Variants in PFKFB3 observed in about 807,000 individuals in gnomAD.
PFKFB3 encodes the protein 6-phosphofructo-2-kinase/fructose-2,6-bisphosphatase 3.
In PFKFB3, 33 loss-of-function variants were observed where a neutral mutation model predicts 68.0. That is an observed-to-expected ratio of 0.49 (90% CI 0.37 to 0.65). PFKFB3 has a LOEUF of 0.65. Ranked by LOEUF, PFKFB3 falls within the 30% of genes least tolerant of loss-of-function variation. The pLI is 0.00. For missense variants in PFKFB3, 586 were observed against 712.2 expected (o/e 0.82, Z 2.02); for synonymous variants, 315 against 288.2 (o/e 1.09, Z -0.94).
intron 2 of PFKFB3, among the ~76,000 whole-genome samples, chr10:6,214,055 T>TAGC (rs1844404308): frequency 6.6e-6 from 1 of 152,206 alleles, no homozygotes; most frequent in African/African-American, 2.4e-5. Flanking sequence ...CACTCAGTCC[T>TAGC]AGCTAACATT....
At chr10:6,284,343 C>T in the PFKFB3 span, among the ~76,000 whole-genome samples, 2 of 152,120 alleles carry the variant, frequency 1.3e-5, no homozygotes, top group South Asian at 4.1e-4. Context: ...GTTTTTGCCT[C>T]ACATATTTTG....
At chr10:6,203,450 C>G (rs1388348597) in intron 1 of PFKFB3, 114 bp downstream of exon 1, 19 of 546,686 alleles carry the variant, frequency 3.5e-5, no homozygotes, top group African/African-American at 1.2e-4. Flanking sequence ...GTGCGGGTCG[C>G]GCCGGCGGGG....
the PFKFB3 span, among the ~76,000 whole-genome samples, chr10:6,278,291 G>C: frequency 1.4e-4 from 21 of 149,718 alleles, no homozygotes; most frequent in South Asian, 2.1e-4. Flanking sequence ...TGTTGTTGTT[G>C]TTGTTTTTAA....
At chr10:6,293,066 G>C in the PFKFB3 span, 1 of 387,786 alleles carries the variant, frequency 2.6e-6, no homozygotes, top group East Asian at 7.2e-5. Context: ...AAACGGAGAC[G>C]TTCAGCTACA....
chr10:6,168,772 C>T (rs1418845781), intron 1 of PFKFB3, among the ~76,000 whole-genome samples: 1 of 152,178 alleles, frequency 6.6e-6, no homozygotes, highest in East Asian at 1.9e-4. Context: ...TGTTTGAGCC[C>T]TTACATTCAG....
chr10:6,203,617 A>AGG (rs1324070189), intron 1 of PFKFB3, among the ~76,000 whole-genome samples: 1 of 151,116 alleles, frequency 6.6e-6, no homozygotes, highest in Admixed American at 6.6e-5. Flanking sequence ...CAGGCCAGGG[A>AGG]GGGGATCCAC....
the PFKFB3 span, among the ~76,000 whole-genome samples, chr10:6,270,111 A>G: frequency 0.058 from 8,835 of 152,220 alleles, 403 homozygotes; most frequent in African/African-American, 0.12. Context: ...CAGCCTGGGC[A>G]ACAAGAGCAA....
the PFKFB3 span, among the ~76,000 whole-genome samples, chr10:6,298,698 GC>G: frequency 6.6e-6 from 1 of 152,136 alleles, no homozygotes; most frequent in Non-Finnish European, 1.5e-5. Context: ...ATCCTGAAAG[GC>G]CAGGCCTGGA....
At chr10:6,200,582 G>A (rs933572278), upstream of PFKFB3, among the ~76,000 whole-genome samples, 59 of 147,868 alleles carry the variant, frequency 4.0e-4, no homozygotes, top group African/African-American at 1.4e-3. Flanking sequence ...GTTCTAGCTG[G>A]CCATTAAAAA....
chr10:6,221,684 A>G lies in PFKFB3; in HGVS notation c.1022A>G (p.Tyr341Cys), dbSNP rs773253990. 7 of 1,610,798 alleles carry G rather than the reference A, an allele frequency of 4.3e-6. No homozygotes were observed. The highest frequency in any genetic ancestry group is 5.9e-6 in the Non-Finnish European group (7 of 1,178,916). The change falls in exon 10 of 15, where the codon TAC (tyrosine) becomes TGC (cysteine). Residue 341 changes from tyrosine (Y) to cysteine (C), a missense_variant. Transcript: ENST00000379775. ...ELTYEEIRDTYPEEYALREQD... is the reference protein window; with the variant it reads ...ELTYEEIRDTCPEEYALREQD... ...ACCTACGAGGAGATCAGGGACACCT[A>G]CCCTGAGGAGTATGCGCTGCGGGAG...
chr10:6,207,206 C>T (rs1055949346), intron 1 of PFKFB3, among the ~76,000 whole-genome samples: 4 of 152,242 alleles, frequency 2.6e-5, no homozygotes, highest in African/African-American at 4.8e-5. Context: ...GAGGCCGAGG[C>T]TGGCGGATCA....
upstream of PFKFB3, among the ~76,000 whole-genome samples, chr10:6,201,596 C>T (rs1758836543): frequency 6.6e-6 from 1 of 151,304 alleles, no homozygotes; most frequent in Admixed American, 6.6e-5. This position sits in a 1 kb window ranked among gnomAD's most constrained non-coding sequence, Gnocchi z 4.1. Flanking sequence ...CGGGAGCAGC[C>T]CCGGTCGCCG....
At chr10:6,177,460 C>CTT (rs1286255611) in intron 1 of PFKFB3, among the ~76,000 whole-genome samples, 28 of 99,920 alleles carry the variant, frequency 2.8e-4, no homozygotes, top group African/African-American at 9.2e-4. Context: ...TTCTTTCTTT[C>CTT]TTTCTTTCTT....
intron 14 of PFKFB3, among the ~76,000 whole-genome samples, chr10:6,251,828 T>C (rs10752257): frequency 0.89 from 135,588 of 151,774 alleles, 61,861 homozygotes; most frequent in South Asian, 0.99. Context: ...ATTAGCCAGG[T>C]GTGGTGGCGG....
chr10:6,250,258 A>G (rs1375859579), intron 14 of PFKFB3, among the ~76,000 whole-genome samples: 4 of 152,136 alleles, frequency 2.6e-5, no homozygotes, highest in Non-Finnish European at 5.9e-5. Context: ...GGTGTTGCCA[A>G]TGTGACAGTA....
the PFKFB3 span, among the ~76,000 whole-genome samples, chr10:6,267,690 C>T: frequency 6.6e-5 from 10 of 152,280 alleles, no homozygotes; most frequent in African/African-American, 2.2e-4. Context: ...TGCAGTGGCT[C>T]ATGCCTGTAA....
chr10:6,181,306 C>T (rs1842706483), intron 1 of PFKFB3, among the ~76,000 whole-genome samples: 1 of 151,346 alleles, frequency 6.6e-6, no homozygotes, highest in Admixed American at 6.6e-5. Flanking sequence ...TCATGAGCCT[C>T]TGCACGCAGC....
intron 1 of PFKFB3, among the ~76,000 whole-genome samples, chr10:6,173,304 A>G (rs563033933): frequency 1.2e-4 from 18 of 152,234 alleles, no homozygotes; most frequent in African/African-American, 4.1e-4. Flanking sequence ...CGCAACCTGT[A>G]GTCCTCAGCT....
chr10:6,191,624 C>T (rs2131822919), intron 1 of PFKFB3, among the ~76,000 whole-genome samples: 1 of 152,302 alleles, frequency 6.6e-6, no homozygotes, highest in South Asian at 2.1e-4. Context: ...TAGTCAGAAG[C>T]CAGCGAGTTT....
Sources: gnomAD v4.1 joint callset for allele counts (sites outside exome capture counted in the v4.1 genomes callset) on GRCh38, gnomAD v4.1.1 for gene constraint, Gnocchi (gnomAD v3.1) non-coding constraint, MANE v1.5 for transcripts, NCBI Gene and HGNC (gene_info 2026-07-23, HGNC 2026-07-21) for gene names.